Variants in SNX29 observed in about 807,000 individuals in gnomAD.
The protein encoded by SNX29 is sorting nexin-29.
A neutral mutation model predicts 102.1 loss-of-function variants in SNX29; 78 were observed. The ratio of observed to expected loss-of-function variants is 0.76; its 90% CI spans 0.64 to 0.92. SNX29 has a LOEUF of 0.92. Ranked by LOEUF, SNX29 falls within the 40% of genes least tolerant of loss-of-function variation. The pLI, the probability that SNX29 is intolerant of heterozygous loss-of-function variation, is 0.00. For missense variants in SNX29, 1,280 were observed against 1,061.7 expected (o/e 1.21, Z -2.86); for synonymous variants, 580 against 414.5 (o/e 1.40, Z -4.85).
chr16:12,335,627 G>A (rs568829562), intron 15 of SNX29, among the ~76,000 whole-genome samples: 1 of 152,282 alleles, frequency 6.6e-6, no homozygotes, highest in Admixed American at 6.5e-5. Flanking sequence ...AGTGAGCTAC[G>A]ATGGTGCTGC....
intron 16 of SNX29, among the ~76,000 whole-genome samples, chr16:12,385,299 G>A (rs916209383): frequency 6.6e-6 from 1 of 152,228 alleles, no homozygotes; most frequent in African/African-American, 2.4e-5. Flanking sequence ...ACCCACGTCT[G>A]GGGACTTGTG....
chr16:12,566,443 G>A (rs537678280), intron 20 of SNX29, among the ~76,000 whole-genome samples: 1 of 152,176 alleles, frequency 6.6e-6, no homozygotes, highest in Non-Finnish European at 1.5e-5. Flanking sequence ...CCAAGCTCTG[G>A]TCATTGCAGG....
chr16:12,557,158 A>G (rs550224031), intron 20 of SNX29, among the ~76,000 whole-genome samples: 1 of 152,170 alleles, frequency 6.6e-6, no homozygotes, highest in Admixed American at 6.5e-5. Flanking sequence ...CACAATTTCC[A>G]TTTTGGCTAT....
At chr16:12,269,815 T>C (rs1452996584) in intron 14 of SNX29, among the ~76,000 whole-genome samples, 1 of 147,758 alleles carries the variant, frequency 6.8e-6, no homozygotes, top group African/African-American at 2.5e-5. Context: ...CATTTTACTT[T>C]ACATCATCAT....
At chr16:12,101,472 C>T (rs549242143) in intron 11 of SNX29, among the ~76,000 whole-genome samples, 1 of 152,010 alleles carries the variant, frequency 6.6e-6, no homozygotes, top group Non-Finnish European at 1.5e-5. Context: ...CAACCTCCAC[C>T]TCCCGGGTTC....
chr16:12,460,530 C>A (rs796880384), intron 18 of SNX29, among the ~76,000 whole-genome samples: 5 of 152,292 alleles, frequency 3.3e-5, no homozygotes, highest in African/African-American at 1.2e-4. Flanking sequence ...TCAGCCATCA[C>A]CTCCTCCAGG....
rs915109580 is a variant in SNX29 at position 12,540,526 on chromosome 16, G to GT, written c.2318+15688dup. On this transcript the variant is annotated intron_variant, in intron 20 of 20. Coordinates refer to ENST00000566228, the MANE Select transcript of SNX29 (RefSeq NM_032167.5). Reference sequence around the variant, plus strand: ...TTCTCGAGGTTGTGGGGCAGAATTTGTTTCGCGGCTTCCTGGCAGCCACCC... The same window carrying GT: ...TTCTCGAGGTTGTGGGGCAGAATTTGTTTTCGCGGCTTCCTGGCAGCCACCC... Among the ~76,000 whole-genome samples, 88 of 152,332 alleles carry GT rather than the reference G, an allele frequency of 5.8e-4. 1 individual carries two copies. Among genetic ancestry groups the GT allele is most frequent in the African/African-American group, 1.9e-3 (81 of 41,580 alleles).
rs144555407 is a variant in SNX29 at position 12,037,495 on chromosome 16, G to C, written c.248-5402G>C. Among the ~76,000 whole-genome samples, 170 of 152,186 alleles carry C rather than the reference G, an allele frequency of 1.1e-3. 4 individuals carry two copies. In the East Asian group the frequency reaches 0.029, roughly 26 times the overall value. The stretch of plus-strand genomic sequence containing the variant: ...CAATCAAGATAAATACTATTTTTAT[G>C]TAATATTAAAAAAAACGAAAGTTGC... On this transcript the variant is annotated intron_variant, in intron 4 of 20. Coordinates refer to ENST00000566228, the MANE Select transcript of SNX29 (RefSeq NM_032167.5).
intron 13 of SNX29, among the ~76,000 whole-genome samples, chr16:12,160,611 G>T (rs2055743433): frequency 6.6e-6 from 1 of 152,140 alleles, no homozygotes; most frequent in Non-Finnish European, 1.5e-5. Context: ...TCTTTTTGGG[G>T]TGATGAAAAT....
At chr16:12,135,751 G>T (rs765806958) in intron 13 of SNX29, 12 of 552,952 alleles carry the variant, frequency 2.2e-5, no homozygotes, top group Non-Finnish European at 3.5e-5. Context: ...ATTTGTGGTG[G>T]TTTTTCTCCA....
intron 18 of SNX29, among the ~76,000 whole-genome samples, chr16:12,431,229 G>A (rs1263202892): frequency 6.6e-6 from 1 of 152,114 alleles, no homozygotes; most frequent in Admixed American, 6.5e-5. Flanking sequence ...AAGACGAGAT[G>A]TCTGGGCAAA....
At chr16:12,286,768 C>G (rs2079612230) in intron 15 of SNX29, among the ~76,000 whole-genome samples, 1 of 152,258 alleles carries the variant, frequency 6.6e-6, no homozygotes, top group East Asian at 1.9e-4. Context: ...GCCAGTCTTG[C>G]TTCATCTGTA....
chr16:12,015,680 C>T (rs1387571681), intron 3 of SNX29, among the ~76,000 whole-genome samples: 8 of 150,538 alleles, frequency 5.3e-5, no homozygotes, highest in African/African-American at 1.7e-4. Context: ...GGACTACACG[C>T]GCCCGCCACC....
intron 14 of SNX29, among the ~76,000 whole-genome samples, chr16:12,240,908 C>G (rs538103906): frequency 2.6e-5 from 4 of 152,092 alleles, no homozygotes; most frequent in Non-Finnish European, 5.9e-5. Context: ...ACCTTGCCAT[C>G]TTTGTCATTC....
At chr16:12,253,961 G>A (rs2078495057) in intron 14 of SNX29, among the ~76,000 whole-genome samples, 1 of 152,164 alleles carries the variant, frequency 6.6e-6, no homozygotes, top group Non-Finnish European at 1.5e-5. Context: ...GCCTTATGTG[G>A]ATGCTGGAGC....
At chr16:11,992,735 C>A (rs1029901783) in intron 1 of SNX29, among the ~76,000 whole-genome samples, 1 of 152,204 alleles carries the variant, frequency 6.6e-6, no homozygotes, top group South Asian at 2.1e-4. Flanking sequence ...ACAGTGGGCA[C>A]TCAAAGAGCA....
chr16:12,558,724 C>G (rs184933618), intron 20 of SNX29, among the ~76,000 whole-genome samples: 39 of 152,274 alleles, frequency 2.6e-4, no homozygotes, highest in African/African-American at 8.2e-4. Flanking sequence ...GGGGGCTGCA[C>G]AAGCCTCACC....
intron 1 of SNX29, among the ~76,000 whole-genome samples, chr16:11,987,242 TA>T (rs67163308): frequency 1.1e-4 from 16 of 150,242 alleles, no homozygotes; most frequent in Non-Finnish European, 7.4e-5. Flanking sequence ...TTTTTTTTTT[TA>T]AATTTTCATA....
At chr16:12,051,176 A>G (rs1032500339) in intron 7 of SNX29, among the ~76,000 whole-genome samples, 9 of 152,104 alleles carry the variant, frequency 5.9e-5, no homozygotes, top group African/African-American at 1.9e-4. Context: ...AAATAATAAT[A>G]AAATTAGCTG....
Sources: gnomAD v4.1 joint callset for allele counts (sites outside exome capture counted in the v4.1 genomes callset) on GRCh38, gnomAD v4.1.1 for gene constraint, MANE v1.5 for transcripts, NCBI Gene and HGNC (gene_info 2026-07-23, HGNC 2026-07-21) for gene names.